Variants in GARNL3 observed in about 807,000 individuals in gnomAD.
GARNL3 encodes GTPase activating Rap/RanGAP domain like 3, also known as GTPase-activating Rap/Ran-GAP domain-like protein 3.
A neutral mutation model predicts 125.0 loss-of-function variants in GARNL3; 63 were observed. The ratio of observed to expected loss-of-function variants is 0.50; its 90% CI spans 0.41 to 0.62. GARNL3 has a LOEUF of 0.62. Among genes scored for constraint, GARNL3 ranks in the 20% least tolerant of loss-of-function variants. The pLI, the probability that GARNL3 is intolerant of heterozygous loss-of-function variation, is 0.00. For synonymous variants in GARNL3, 439 were observed against 457.5 expected (o/e 0.96, Z 0.52); for missense variants, 994 against 1,244.0 (o/e 0.80, Z 3.02).
intron 3 of GARNL3, chr9:127,313,210 C>T (rs757388922): frequency 3.9e-6 from 2 of 506,750 alleles, no homozygotes; most frequent in Non-Finnish European, 7.2e-6. Context: ...GCAGATTTCT[C>T]CAGTCTCATT....
At chr9:127,263,926 C>A, upstream of GARNL3, 1 of 1,496,088 alleles carries the variant, frequency 6.7e-7, no homozygotes, top group South Asian at 1.3e-5. Flanking sequence ...ACATCAGAGT[C>A]AGTCTCTTTC....
chr9:127,272,097 T>C (rs2063837156), intron 1 of GARNL3, among the ~76,000 whole-genome samples: 2 of 150,302 alleles, frequency 1.3e-5, no homozygotes, highest in East Asian at 1.9e-4. Flanking sequence ...CATTTGAGGT[T>C]TTGACTGTTT....
At chr9:127,323,713 C>T (rs1411023078) in intron 6 of GARNL3, among the ~76,000 whole-genome samples, 2 of 150,782 alleles carry the variant, frequency 1.3e-5, no homozygotes, top group East Asian at 3.9e-4. Flanking sequence ...ACTGGGGATC[C>T]AATTCCTCCA....
At chr9:127,379,301 T>A (rs1199193206) in intron 22 of GARNL3, among the ~76,000 whole-genome samples, 1 of 152,220 alleles carries the variant, frequency 6.6e-6, no homozygotes, top group East Asian at 1.9e-4. Flanking sequence ...TTTGGTTTGC[T>A]TATGTAGGAA....
Position 127,320,701 on chromosome 9 carries a change from C to A in GARNL3, c.504-14C>A. The A allele has an allele frequency of 1.2e-6, 2 of 1,601,186 alleles. No individual in the cohort carries two copies. The highest frequency in any genetic ancestry group is 4.5e-5 in the East Asian group (2 of 44,766). On this transcript the variant is annotated splice_polypyrimidine_tract_variant and intron_variant, in intron 5 of 27. Transcript: ENST00000373387. ...TCTCTGATGCTGCAGCTCATCCTGT[C>A]CATTCTATTTCAGTGCCATGAATCT... is the stretch of plus-strand genomic sequence containing the variant.
intron 22 of GARNL3, among the ~76,000 whole-genome samples, chr9:127,367,827 A>G (rs1289033822): frequency 2.7e-5 from 4 of 150,420 alleles, no homozygotes; most frequent in African/African-American, 9.8e-5. Flanking sequence ...TCACTTTCAG[A>G]TAAGTAATAG....
chr9:127,234,855 A>C (rs746847018), intron 1 of GARNL3, among the ~76,000 whole-genome samples: 1 of 152,194 alleles, frequency 6.6e-6, no homozygotes, highest in Non-Finnish European at 1.5e-5. Context: ...GGACATATTC[A>C]TGAGAGCTGA....
At chr9:127,322,037 A>G (rs1472536321) in intron 6 of GARNL3, among the ~76,000 whole-genome samples, 1 of 152,220 alleles carries the variant, frequency 6.6e-6, no homozygotes. Context: ...TAGTATTTAC[A>G]TCCAGCCTCA....
At position 127,376,869 on chromosome 9, in the gene GARNL3, C is replaced by G. The variant is rs552505006; in HGVS notation, c.2162-6569C>G. On this transcript the variant is annotated intron_variant, in intron 22 of 27. Transcript: ENST00000373387. Reference sequence around the variant, plus strand: ...GTTCCAACCCTCGTGGAATTTGGGACAAGGACAATCCAACATCACTGTAGA... The same window carrying G: ...GTTCCAACCCTCGTGGAATTTGGGAGAAGGACAATCCAACATCACTGTAGA... Among the ~76,000 whole-genome samples the G allele has an allele frequency of 2.0e-5, 3 of 152,264 alleles. No homozygotes were observed. In the East Asian group the frequency reaches 5.8e-4, roughly 29 times the overall value.
At chr9:127,245,764 G>C (rs1381600141) in intron 2 of GARNL3, among the ~76,000 whole-genome samples, 1 of 152,208 alleles carries the variant, frequency 6.6e-6, no homozygotes, top group African/African-American at 2.4e-5. Context: ...TGAGATAGGT[G>C]CTGTTATCTC....
At chr9:127,319,671 G>A (rs995510335) in intron 5 of GARNL3, among the ~76,000 whole-genome samples, 5 of 152,130 alleles carry the variant, frequency 3.3e-5, no homozygotes, top group Non-Finnish European at 5.9e-5. Context: ...GCTGAGCACA[G>A]AAATATCCTG....
chr9:127,231,460 A>G (rs912793836), intron 1 of GARNL3, among the ~76,000 whole-genome samples: 4 of 151,920 alleles, frequency 2.6e-5, no homozygotes, highest in Admixed American at 2.0e-4. Flanking sequence ...ATTTTAAAAT[A>G]TTTTCTATTG....
chr9:127,300,711 T>C (rs554421218), intron 2 of GARNL3: 18 of 324,968 alleles, frequency 5.5e-5, no homozygotes, highest in Non-Finnish European at 7.5e-5. Context: ...CCCCTCGGCC[T>C]CCCAAAGTGC....
At position 127,389,057 on chromosome 9, in the gene GARNL3, C is replaced by T. The variant is rs1832697041; in HGVS notation, c.2681C>T (p.Ser894Phe). 2.5e-6 allele frequency: 4 copies of T among 1,614,066 alleles called. No individual in the cohort carries two copies. Among genetic ancestry groups the T allele is most frequent in the Non-Finnish European group, 1.7e-6 (2 of 1,180,032 alleles). The change falls in exon 26 of 28, where the codon TCC (serine) becomes TTC (phenylalanine). Residue 894 changes from serine to phenylalanine, a missense_variant. Physicochemically the swap from Ser to Phe is radical, Grantham distance 155. Around this residue, in one of 5 missense-constraint regions of GARNL3, gnomAD observed 728 missense variants for 865.7 expected, o/e 0.84. Coordinates refer to ENST00000373387, the MANE Select transcript of GARNL3 (RefSeq NM_032293.5). The part of the protein sequence containing the change: ...VGLAAIPVTH[S>F]LSLSRMEIKE... ...CTTGCTGCCATTCCAGTCACGCACT[C>T]CTTGTCCCTGTCTCGCATGGAGATC... is the stretch of plus-strand genomic sequence containing the variant.
At chr9:127,260,655 A>G (rs1277722886), upstream of GARNL3, among the ~76,000 whole-genome samples, 2 of 152,176 alleles carry the variant, frequency 1.3e-5, no homozygotes, top group Non-Finnish European at 2.9e-5. Context: ...AAAAGCAGCC[A>G]TAGACAGTTC....
intron 22 of GARNL3, among the ~76,000 whole-genome samples, chr9:127,375,405 G>T (rs925991930): frequency 6.6e-6 from 1 of 151,300 alleles, no homozygotes; most frequent in African/African-American, 2.4e-5. Flanking sequence ...GGCAGAGGTT[G>T]CAGTGAGCCA....
chr9:127,344,091 G>T (rs1273991490), intron 14 of GARNL3, 144 bp from the exon 15 acceptor site: 2 of 620,746 alleles, frequency 3.2e-6, no homozygotes, highest in African/African-American at 1.8e-5. Flanking sequence ...GTACACAGCA[G>T]GTGCTCCATC....
chr9:127,282,676 T>C (rs888783990), intron 1 of GARNL3, among the ~76,000 whole-genome samples: 6 of 152,158 alleles, frequency 3.9e-5, no homozygotes, highest in African/African-American at 1.4e-4. Flanking sequence ...TTTTGAGTTT[T>C]TTTTCTAAGT....
chr9:127,264,065 C>A, upstream of GARNL3: 1 of 972,634 alleles, frequency 1.0e-6, no homozygotes, highest in Non-Finnish European at 1.5e-6. Flanking sequence ...ACATGTTATT[C>A]CTATATAATT....
Sources: allele counts gnomAD v4.1 joint callset (sites outside exome capture counted in the v4.1 genomes callset), GRCh38; gene constraint gnomAD v4.1.1; regional missense constraint gnomAD v4.1.1; transcripts MANE v1.5; gene names NCBI Gene and HGNC (gene_info 2026-07-23, HGNC 2026-07-21).